Variants in NCOR2 observed in about 807,000 individuals in gnomAD.
NCOR2 encodes the protein CTG repeat protein 26.
NCOR2 carries 81 observed loss-of-function variants against 262.9 expected under a neutral mutation model. The observed-to-expected ratio is 0.31, with a 90% confidence interval of 0.26 to 0.37. The LOEUF (loss-of-function observed/expected upper bound fraction) is 0.37. NCOR2 is among the 10% of genes least tolerant of loss of function. The pLI, the probability that NCOR2 is intolerant of heterozygous loss-of-function variation, is 1.00. For missense variants in NCOR2, 3,385 were observed against 3,621.4 expected, an observed-to-expected ratio of 0.93 and a Z score of 1.68; for synonymous variants, 1,659 against 1,559.3, an observed-to-expected ratio of 1.06 and a Z score of -1.51.
chr12:124,438,493 G>T (rs541658995), intron 7 of NCOR2, among the ~76,000 whole-genome samples: 16 of 152,246 alleles, frequency 1.1e-4, no homozygotes, highest in African/African-American at 3.9e-4. Flanking sequence ...GCTGCGGGGG[G>T]AGGGACACAA....
chr12:124,393,794 G>A (rs1433823508), intron 16 of NCOR2, among the ~76,000 whole-genome samples: 2 of 152,372 alleles, frequency 1.3e-5, no homozygotes, highest in East Asian at 1.9e-4. Context: ...AACAGCACCT[G>A]CCTCCTAGTC....
At chr12:124,368,382 T>A (rs1593242856) in intron 20 of NCOR2, among the ~76,000 whole-genome samples, 1 of 152,134 alleles carries the variant, frequency 6.6e-6, no homozygotes, top group East Asian at 1.9e-4. Context: ...AGTTTCCCCA[T>A]GGTCATCAAG....
chr12:124,354,171 G>T (rs749375859), exon 27 of NCOR2: 1 of 1,605,748 alleles, frequency 6.2e-7, no homozygotes, highest in Non-Finnish European at 8.5e-7. Flanking sequence ...TGATGCTTCC[G>T]CCCGGAACTG....
chr12:124,388,860 C>A, intron 16 of NCOR2: 1 of 868,824 alleles, frequency 1.2e-6, no homozygotes. Flanking sequence ...TTCTCCGTCC[C>A]ACGGTGAGGG....
chr12:124,380,211 C>T (rs2040308163), intron 17 of NCOR2, among the ~76,000 whole-genome samples: 1 of 152,224 alleles, frequency 6.6e-6, no homozygotes, highest in African/African-American at 2.4e-5. Context: ...CGTGGCCAGG[C>T]TGGAGCTGGG....
chr12:124,562,799 C>T (rs1454618628), intron 1 of NCOR2, among the ~76,000 whole-genome samples: 2 of 152,144 alleles, frequency 1.3e-5, no homozygotes, highest in East Asian at 1.9e-4. Flanking sequence ...GGTTGATATC[C>T]GAGCAGCCTG....
chr12:124,524,287 C>T (rs2050342676), intron 1 of NCOR2, among the ~76,000 whole-genome samples: 1 of 152,234 alleles, frequency 6.6e-6, no homozygotes, highest in African/African-American at 2.4e-5. Flanking sequence ...CCACAATCCC[C>T]ACTCCTCCCC....
Position 124,330,109 on chromosome 12 carries a change from C to G in NCOR2, c.6958+736G>C, listed in dbSNP as rs117368827. ...GAAGATCAGCAAACCTCTCCGACCTCCATCCTGGCCTCAGCTTCCACCAAA... is the reference window on the plus strand; with the variant it reads ...GAAGATCAGCAAACCTCTCCGACCTGCATCCTGGCCTCAGCTTCCACCAAA... On this transcript the variant is annotated intron_variant, in intron 44 of 46. Transcript: ENST00000405201. Among the ~76,000 whole-genome samples the G allele has an allele frequency of 9.7e-3, 1,476 of 152,330 alleles. 11 individuals carry two copies. The highest frequency in any genetic ancestry group is 0.068 in the Middle Eastern group (20 of 294).
chr12:124,330,000 G>T (rs1018453180), intron 44 of NCOR2, among the ~76,000 whole-genome samples: 1 of 152,198 alleles, frequency 6.6e-6, no homozygotes, highest in Non-Finnish European at 1.5e-5. Flanking sequence ...CCATTTGGAG[G>T]CCTCGCTGAC....
At chr12:124,495,287 C>G (rs872224), upstream of NCOR2, 786,862 of 1,590,188 alleles carry the variant, frequency 0.49, 197,405 homozygotes, top group South Asian at 0.57. The surrounding 1 kb of genome is among the most constrained non-coding windows in gnomAD (Gnocchi z 4.4). Flanking sequence ...CTCCCAGGCC[C>G]CAATAAGCTT....
At chr12:124,402,596 G>A in intron 13 of NCOR2, 35 bp from the exon 16 acceptor site, 1 of 1,546,846 alleles carries the variant, frequency 6.5e-7, no homozygotes, top group East Asian at 2.4e-5. Flanking sequence ...AGGGGAGTGG[G>A]GAGGGAAGAA....
At chr12:124,348,084 C>G (rs1593157359) in intron 29 of NCOR2, 90 bp downstream of exon 31, 1 of 1,577,030 alleles carries the variant, frequency 6.3e-7, no homozygotes, top group East Asian at 2.3e-5. Context: ...AAAGCCCAGC[C>G]TCGGTTTCCC....
chr12:124,340,409 C>T (rs370212615), exon 36 of NCOR2: 162 of 1,612,906 alleles, frequency 1.0e-4, no homozygotes, highest in Middle Eastern at 1.6e-4. Context: ...CGGACGAGGA[C>T]GTGGTGGTTG....
intron 3 of NCOR2, among the ~76,000 whole-genome samples, chr12:124,478,807 T>C (rs2047241310): frequency 6.6e-6 from 1 of 151,344 alleles, no homozygotes; most frequent in Non-Finnish European, 1.5e-5. Flanking sequence ...AGAGACGTGG[T>C]GACAGACACA....
chr12:124,424,480 C>G (rs2043417975), intron 11 of NCOR2, among the ~76,000 whole-genome samples: 1 of 152,200 alleles, frequency 6.6e-6, no homozygotes. Context: ...GGACCACTCA[C>G]TCGGTGCTGT....
At chr12:124,325,444 T>C in exon 47 of NCOR2, 1 of 1,189,178 alleles carries the variant, frequency 8.4e-7, no homozygotes, top group South Asian at 1.9e-5. Context: ...AGCAGAGCAG[T>C]GGCTTGGGCT....
intron 1 of NCOR2, among the ~76,000 whole-genome samples, chr12:124,533,406 T>G (rs2050951958): frequency 6.6e-6 from 1 of 152,040 alleles, no homozygotes. Flanking sequence ...TTCAGGTCTT[T>G]GCTCAAAGGC....
In NCOR2 at chr12:124,483,884, A is replaced by C; in HGVS notation, c.234-111T>G. On this transcript the variant is annotated intron_variant, in intron 2 of 46. Transcript: ENST00000405201. This position sits in a 1 kb window ranked among gnomAD's most constrained non-coding sequence, Gnocchi z 6.3. Reference sequence around the variant, plus strand: ...TCTACTGCGCGCCGTGCTCTGTATGATCCTGCCAGGAAGGTGCTCACAGGA... The same window carrying C: ...TCTACTGCGCGCCGTGCTCTGTATGCTCCTGCCAGGAAGGTGCTCACAGGA... 1 of 1,287,070 alleles carries C rather than the reference A, an allele frequency of 7.8e-7. No homozygotes were observed. The highest frequency in any genetic ancestry group is 1.0e-6 in the Non-Finnish European group (1 of 977,854). The allele number at this position is 1,287,070 out of a possible 1,614,324, so 79.7% of individuals were successfully genotyped here. A position where few individuals can be genotyped will look rare whatever the true frequency, so the allele number is the denominator to read the frequency against.
intron 18 of NCOR2, among the ~76,000 whole-genome samples, chr12:124,376,357 G>C (rs1482516029): frequency 6.6e-6 from 1 of 152,222 alleles, no homozygotes; most frequent in Non-Finnish European, 1.5e-5. Flanking sequence ...TTTAATGTGT[G>C]GCCATGGCTT....
Sources: gnomAD v4.1 joint callset for allele counts (sites outside exome capture counted in the v4.1 genomes callset) on GRCh38, gnomAD v4.1.1 for gene constraint, Gnocchi (gnomAD v3.1) non-coding constraint, MANE v1.5 for transcripts, NCBI Gene and HGNC (gene_info 2026-07-23, HGNC 2026-07-21) for gene names.